HMGB3: variants seen among roughly 807,000 people sequenced by gnomAD.
HMGB3 encodes high mobility group protein B3.
HMGB3 carries 1 observed loss-of-function variant against 12.9 expected under a neutral mutation model. The observed-to-expected ratio is 0.08, with a 90% CI of 0.03 to 0.37. The LOEUF is 0.37. HMGB3 is among the 10% of genes least tolerant of loss of function. The pLI, the probability that HMGB3 is intolerant of heterozygous loss-of-function variation, is 0.99. For missense variants in HMGB3, 74 were observed against 153.3 expected (o/e 0.48, Z 2.73); for synonymous variants, 61 against 53.9 (o/e 1.13, Z -0.57).
chrX:150,984,683 C>G (rs1453888044), intron 1 of HMGB3: 2 of 399,494 alleles, frequency 5.0e-6, no homozygotes, highest in Non-Finnish European at 6.3e-6. Flanking sequence ...TGCCTGCTGC[C>G]GGCCGGGACT....
chrX:150,980,557 G>A, upstream of HMGB3: 1 of 695,822 alleles, frequency 1.4e-6, no homozygotes, highest in Non-Finnish European at 1.7e-6. Context: ...ATAAGAGGTA[G>A]CTTTCTTGAG....
At chrX:150,986,999 T>C (rs1261320595) in intron 3 of HMGB3, 129 bp from the exon 4 acceptor site, 3 of 481,289 alleles carry the variant, frequency 6.2e-6, no homozygotes, top group Non-Finnish European at 7.2e-6. Flanking sequence ...TTGTATATGG[T>C]ATCATAGATT....
intron 2 of HMGB3, 99 bp from the exon 3 acceptor site, chrX:150,985,951 CT>C (rs59386733): frequency 3.1e-6 from 3 of 973,980 alleles, no homozygotes; most frequent in Non-Finnish European, 4.2e-6. Flanking sequence ...TACCTACCCC[CT>C]TTTGCAAGTG....
At chrX:150,986,961 A>G (rs1480711883) in intron 3 of HMGB3, among the ~76,000 whole-genome samples, 167 bp from the exon 4 acceptor site, 2 of 112,098 alleles carry the variant, frequency 1.8e-5, no homozygotes, top group African/African-American at 6.5e-5. Context: ...CTAACCTTAT[A>G]TATTTTAGAA....
chrX:150,983,949 C>T (rs1393580363), intron 1 of HMGB3, among the ~76,000 whole-genome samples: 3 of 105,023 alleles, frequency 2.9e-5, no homozygotes, highest in African/African-American at 6.7e-5. Context: ...GGCCCGCAGG[C>T]TACGCCGCTG....
chrX:150,987,407 G>A (rs1557425268), intron 4 of HMGB3, 105 bp downstream of exon 4: 112 of 634,019 alleles, frequency 1.8e-4, no homozygotes, highest in Non-Finnish European at 1.2e-5. Context: ...TTAGCATAGC[G>A]CTCAAGGGCC....
rs986210753 is a variant in HMGB3, at chrX:150,990,062, C to G, written c.*2148C>G. 1 of 112,489 alleles carries G rather than the reference C, an allele frequency of 8.9e-6. No homozygotes were observed. Among genetic ancestry groups the G allele is most frequent in the Non-Finnish European group, 1.9e-5 (1 of 53,378 alleles). 9.3% of individuals were successfully genotyped at this position (112,489 alleles called of 1,213,427 possible). A position where few individuals can be genotyped will look rare whatever the true frequency, so the allele number is the denominator to read the frequency against. On this transcript the variant is annotated 3_prime_UTR_variant, in exon 5 of 5. Transcript: ENST00000325307. ...TCCTGCTTCAGCCATGTCCTTGTCA[C>G]TTGGCATTCTAAGCTAAAGCTTTAG...
rs431825172 is a variant in HMGB3 at position 150,987,788 on chromosome X, C to CTA, written c.480_481dup (p.Lys161IlefsTer55). The CTA allele has an allele frequency of 8.3e-7, 1 of 1,205,279 alleles. No individual in the cohort carries two copies. The highest frequency in any genetic ancestry group is 1.1e-6 in the Non-Finnish European group (1 of 892,905). ...CCCTGTTCCTCTAGGATGTTGCTGA[C>CTA]TATAAGTCGAAAGGAAAGTTTGATG... On this transcript the variant is annotated frameshift_variant, in exon 5 of 5. Transcript: ENST00000325307. LOFTEE classifies it high-confidence loss of function.
chrX:150,984,725 G>C (rs1247157593), intron 1 of HMGB3: 5 of 167,202 alleles, frequency 3.0e-5, no homozygotes, highest in Non-Finnish European at 4.8e-5. Context: ...CGCCCGGGCC[G>C]CCGCTGCGGG....
At position 150,987,894 on chromosome X, in the gene HMGB3, G is replaced by T. The variant is rs1336124607; in HGVS notation, c.583G>T (p.Glu195Ter). The T allele has an allele frequency of 3.4e-6, 4 of 1,191,822 alleles. No homozygotes were observed. The African/African-American group carries it at 7.0e-5, about 21-fold the overall frequency. ...EEEEEEEEEE[E>*]EEEDE Reference sequence around the variant, plus strand: ...AGAGGAGGAGGAAGAAGAGGAGGAGGAGGAGGAGGAGGATGAATAAAGAAA... The same window carrying T: ...AGAGGAGGAGGAAGAAGAGGAGGAGTAGGAGGAGGAGGATGAATAAAGAAA... Residue 195 changes from glutamate to a stop codon, truncating the protein, a stop_gained, in exon 5 of 5, where the codon GAG (glutamate) becomes TAG (stop). Coordinates refer to ENST00000325307, the MANE Select transcript of HMGB3 (RefSeq NM_005342.4). LOFTEE classifies it high-confidence loss of function.
chrX:150,984,114 G>A (rs1213119592), intron 1 of HMGB3, among the ~76,000 whole-genome samples: 1 of 100,197 alleles, frequency 1.0e-5, no homozygotes, highest in Admixed American at 1.0e-4. Flanking sequence ...GAGGCGGGCG[G>A]AGCGGTCGGC....
chrX:150,982,108 C>G (rs1477756838), upstream of HMGB3, among the ~76,000 whole-genome samples: 4 of 111,986 alleles, frequency 3.6e-5, no homozygotes, highest in Non-Finnish European at 5.6e-5. Flanking sequence ...TTTTTCTCAC[C>G]CTTTCATTCT....
At chrX:150,986,943 A>G (rs919867530) in intron 3 of HMGB3, among the ~76,000 whole-genome samples, 185 bp from the exon 4 acceptor site, 2 of 112,181 alleles carry the variant, frequency 1.8e-5, no homozygotes, top group Non-Finnish European at 1.9e-5. Flanking sequence ...CGCGCACCAC[A>G]TATTTTTCTA....
upstream of HMGB3, among the ~76,000 whole-genome samples, chrX:150,981,746 G>A (rs1482133464): frequency 9.0e-6 from 1 of 111,383 alleles, no homozygotes; most frequent in Non-Finnish European, 1.9e-5. Context: ...ATGAGCCACC[G>A]CGCTTGGCCT....
chrX:150,981,095 A>T (rs1557425076), upstream of HMGB3, among the ~76,000 whole-genome samples: 1 of 110,399 alleles, frequency 9.1e-6, no homozygotes, highest in African/African-American at 3.3e-5. Flanking sequence ...CCTTGTGGAG[A>T]CAGGGGAAGA....
chrX:150,981,416 G>T (rs1386964632), upstream of HMGB3, among the ~76,000 whole-genome samples: 4 of 107,485 alleles, frequency 3.7e-5, no homozygotes, highest in African/African-American at 1.4e-4. Flanking sequence ...TCTGTAGTGG[G>T]GACCTGGGTT....
intron 1 of HMGB3, chrX:150,984,594 C>T (rs2048031941): frequency 2.7e-6 from 2 of 746,237 alleles, no homozygotes; most frequent in Non-Finnish European, 3.2e-6. Context: ...GGGGCACTTT[C>T]TTTCATCAGG....
At chrX:150,984,049 G>GCCGC (rs1437069885) in intron 1 of HMGB3, among the ~76,000 whole-genome samples, 1 of 100,356 alleles carries the variant, frequency 1.0e-5, no homozygotes, top group Admixed American at 1.0e-4. Context: ...CCCGCCCGGC[G>GCCGC]CCGCCGCCGC....
intron 3 of HMGB3, 124 bp downstream of exon 3, chrX:150,986,314 G>A (rs1281626529): frequency 1.7e-5 from 9 of 536,671 alleles, no homozygotes; most frequent in Non-Finnish European, 2.5e-5. Context: ...CTTAAAAGAT[G>A]GCAATACCTC....
Sources: allele counts gnomAD v4.1 joint callset (sites outside exome capture counted in the v4.1 genomes callset), GRCh38; gene constraint gnomAD v4.1.1; transcripts MANE v1.5; gene names NCBI Gene and HGNC (gene_info 2026-07-23, HGNC 2026-07-21).